Variants in PCNX2 observed in about 807,000 individuals in gnomAD.
PCNX2 encodes the protein pecanex 2, also known as pecanex-like protein 2.
A neutral mutation model predicts 223.8 loss-of-function variants in PCNX2; 168 were observed. The ratio of observed to expected loss-of-function variants is 0.75; its 90% CI spans 0.66 to 0.85. The LOEUF is 0.85. Among genes scored for constraint, PCNX2 ranks in the 40% least tolerant of loss-of-function variants. The pLI is 0.00. For synonymous variants in PCNX2, 1,006 were observed against 1,052.6 expected (o/e 0.96, Z 0.86); for missense variants, 2,507 against 2,675.5 (o/e 0.94, Z 1.39).
intron 8 of PCNX2, among the ~76,000 whole-genome samples, chr1:233,247,524 A>G (rs1170336642): frequency 6.6e-6 from 1 of 152,086 alleles, no homozygotes; most frequent in Non-Finnish European, 1.5e-5. Flanking sequence ...GAGTCTTGCC[A>G]TGTTGCCCAG....
intron 27 of PCNX2, among the ~76,000 whole-genome samples, chr1:233,016,463 A>G (rs1055383931): frequency 3.3e-5 from 5 of 152,172 alleles, no homozygotes; most frequent in African/African-American, 1.2e-4. Context: ...AAGTGTTCTC[A>G]GCACATACGC....
rs558975225 is a variant in PCNX2, at chr1:233,063,256, A to G, written c.4077-5966T>C. On this transcript the variant is annotated intron_variant, in intron 23 of 33. Transcript: ENST00000258229. ...GTCTTCAACAACAACAACAACGAAG[A>G]AGAATAGCCCTGTAATTATTGAACA... is the stretch of plus-strand genomic sequence containing the variant. 2.6e-5 allele frequency among the ~76,000 whole-genome samples: 4 copies of G among 152,300 alleles called. No homozygotes were observed. In the South Asian group the frequency reaches 8.3e-4, roughly 32 times the overall value.
intron 21 of PCNX2, among the ~76,000 whole-genome samples, chr1:233,096,352 C>T (rs1318193098): frequency 6.6e-6 from 1 of 152,186 alleles, no homozygotes; most frequent in African/African-American, 2.4e-5. Flanking sequence ...GAAGCTATTG[C>T]ATTGGCCAGA....
chr1:232,986,147 C>T lies in PCNX2; in HGVS notation c.6185G>A (p.Ser2062Asn). 6.4e-7 allele frequency: 1 copy of T among 1,570,632 alleles called. No individual in the cohort carries two copies. The highest frequency in any genetic ancestry group is 1.2e-5 in the South Asian group (1 of 85,388). ...GGGGCCCATCACGATGTTGACGCTGCTGGATGACTGGGTGTCACTGGTATT... is the reference window on the plus strand; with the variant it reads ...GGGGCCCATCACGATGTTGACGCTGTTGGATGACTGGGTGTCACTGGTATT... ...GGNTSDTQSSSSVNIVMGPSA... is the reference protein window; with the variant it reads ...GGNTSDTQSSNSVNIVMGPSA... Residue 2062 changes from serine (S) to asparagine (N), a missense_variant, in exon 33 of 34, where the codon AGC becomes AAC. Ser to Asn is a conservative substitution (Grantham distance 46). Around this residue, in one of 3 missense-constraint regions of PCNX2, gnomAD observed 1,372 missense variants for 1,509.4 expected, o/e 0.91. Coordinates refer to ENST00000258229, the MANE Select transcript of PCNX2 (RefSeq NM_014801.4).
At chr1:233,037,822 T>C (rs1671508200) in intron 25 of PCNX2, among the ~76,000 whole-genome samples, 1 of 152,244 alleles carries the variant, frequency 6.6e-6, no homozygotes, top group Non-Finnish European at 1.5e-5. Context: ...GAATAAAGTT[T>C]TTTCTGTGAC....
intron 25 of PCNX2, among the ~76,000 whole-genome samples, chr1:233,044,794 G>A (rs370529236): frequency 1.3e-5 from 2 of 151,674 alleles, no homozygotes; most frequent in African/African-American, 2.4e-5. Flanking sequence ...TCAACCTCCC[G>A]AGTAGCTGTG....
intron 19 of PCNX2, among the ~76,000 whole-genome samples, chr1:233,140,643 C>T (rs1677049862): frequency 6.6e-6 from 1 of 152,214 alleles, no homozygotes; most frequent in Middle Eastern, 3.2e-3. Context: ...CATGCTTGCC[C>T]ATCTGGGGAG....
rs1418022659 is a variant in PCNX2 at position 233,253,271 on chromosome 1, A to G, written c.1835-483T>C. On this transcript the variant is annotated intron_variant, in intron 5 of 33. Transcript: ENST00000258229. This position sits in a 1 kb window ranked among gnomAD's most constrained non-coding sequence, Gnocchi z 4.2. ...AAAACTGAATTTTCAAGCTAAAGCT[A>G]GAATTGTCCCCTTCATAAAGCAAAT... Among the ~76,000 whole-genome samples, 2 of 152,248 alleles carry G rather than the reference A, an allele frequency of 1.3e-5. No individual in the cohort carries two copies. The highest frequency in any genetic ancestry group is 4.8e-5 in the African/African-American group (2 of 41,468).
rs771396062 is a variant in PCNX2 at position 233,014,769 on chromosome 1, C to T, written c.4848G>A (p.Thr1616=). 8.1e-6 allele frequency: 13 copies of T among 1,613,560 alleles called. No individual in the cohort carries two copies. The highest frequency in any genetic ancestry group is 5.0e-5 in the Admixed American group (3 of 59,986). Residue 1616 remains threonine, a synonymous_variant, in exon 28 of 34, where the codon ACG becomes ACA. Coordinates refer to ENST00000258229, the MANE Select transcript of PCNX2 (RefSeq NM_014801.4). ...HCARKRQEPS[T]TLDSDEDSPL... ...GAGAGTCCTCGTCACTGTCCAGGGTCGTTGAAGGCTGAAAGAGCAAGAAGT... is the reference window on the plus strand; with the variant it reads ...GAGAGTCCTCGTCACTGTCCAGGGTTGTTGAAGGCTGAAAGAGCAAGAAGT...
chr1:233,170,496 G>A (rs1446485429), intron 17 of PCNX2, among the ~76,000 whole-genome samples: 2 of 151,938 alleles, frequency 1.3e-5, no homozygotes, highest in Admixed American at 6.6e-5. Context: ...GAGATATCTG[G>A]TTTTCTTATT....
At position 233,000,224 on chromosome 1, in the gene PCNX2, C is replaced by T. The variant is rs763610360; in HGVS notation, c.5328+81G>A. ...GCACAGAGACTCCTGTGTCAGTGCC[C>T]CCCTGCCCACCACCATTCTATTTCT... On this transcript the variant is annotated intron_variant, in intron 30 of 33. Transcript: ENST00000258229. This position sits in a 1 kb window ranked among gnomAD's most constrained non-coding sequence, Gnocchi z 4.6. The T allele has an allele frequency of 3.7e-6, 5 of 1,343,366 alleles. No homozygotes were observed. Among genetic ancestry groups the T allele is most frequent in the Admixed American group, 1.7e-5 (1 of 59,178 alleles). 83.2% of individuals were successfully genotyped at this position (1,343,366 alleles called of 1,614,324 possible).
chr1:233,289,771 G>A (rs756774265), intron 1 of PCNX2, among the ~76,000 whole-genome samples: 1 of 152,158 alleles, frequency 6.6e-6, no homozygotes, highest in Non-Finnish European at 1.5e-5. Flanking sequence ...ACAATGCTAG[G>A]ACTGACTAGA....
chr1:233,074,431 A>G (rs1231132238), intron 23 of PCNX2, among the ~76,000 whole-genome samples: 1 of 151,680 alleles, frequency 6.6e-6, no homozygotes, highest in African/African-American at 2.4e-5. Flanking sequence ...CGTCTCTACT[A>G]AAAATACAAA....
At chr1:233,161,152 G>A (rs1351153013) in intron 18 of PCNX2, 119 bp downstream of exon 18, 4 of 806,326 alleles carry the variant, frequency 5.0e-6, no homozygotes, top group Middle Eastern at 2.4e-4. Context: ...GCCTCTCAGC[G>A]GGCATTTTGT....
chr1:233,116,569 T>A (rs1558246490), intron 21 of PCNX2, among the ~76,000 whole-genome samples: 1 of 152,004 alleles, frequency 6.6e-6, no homozygotes, highest in East Asian at 1.9e-4. Flanking sequence ...AAAGAGGAAG[T>A]CTTAAGGGGA....
the PCNX2 span, among the ~76,000 whole-genome samples, chr1:233,304,940 A>G: frequency 2.6e-5 from 4 of 152,320 alleles, no homozygotes; most frequent in Admixed American, 2.6e-4. Flanking sequence ...TTAATCTTCT[A>G]CACAAATTAG....
At chr1:233,211,734 T>G in intron 12 of PCNX2, 1 of 978,492 alleles carries the variant, frequency 1.0e-6, no homozygotes. Flanking sequence ...CACTGGATTC[T>G]CCAGACCCAA....
intron 1 of PCNX2, chr1:233,291,573 A>G: frequency 1.4e-6 from 1 of 711,948 alleles, no homozygotes; most frequent in Non-Finnish European, 1.7e-6. Flanking sequence ...GCGCCATTGC[A>G]CTCCAGCCTG....
intron 21 of PCNX2, among the ~76,000 whole-genome samples, chr1:233,106,910 T>C (rs1674822071): frequency 6.6e-6 from 1 of 152,212 alleles, no homozygotes; most frequent in Non-Finnish European, 1.5e-5. Context: ...ATCAATCTAG[T>C]ACATATAGGA....
Sources: gnomAD v4.1 joint callset for allele counts (sites outside exome capture counted in the v4.1 genomes callset) on GRCh38, gnomAD v4.1.1 for gene constraint, gnomAD v4.1.1 regional missense constraint, Gnocchi (gnomAD v3.1) non-coding constraint, MANE v1.5 for transcripts, NCBI Gene and HGNC (gene_info 2026-07-23, HGNC 2026-07-21) for gene names.